ENO4: variants seen among roughly 807,000 people sequenced by gnomAD.
The protein encoded by ENO4 is enolase 4, also known as 2-phospho-D-glycerate hydro-lyase.
A neutral mutation model predicts 63.2 loss-of-function variants in ENO4; 53 were observed. The observed-to-expected ratio is 0.84, with a 90% confidence interval of 0.67 to 1.05. ENO4 has a LOEUF of 1.05. Ranked by LOEUF, ENO4 falls within the 50% of genes least tolerant of loss-of-function variation. The pLI, the probability that ENO4 is intolerant of heterozygous loss-of-function variation, is 0.00. For missense variants in ENO4, 719 were observed against 772.0 expected (o/e 0.93, Z 0.81); for synonymous variants, 266 against 283.8 (o/e 0.94, Z 0.63).
intron 10 of ENO4, chr10:116,908,030 C>A: frequency 2.2e-6 from 1 of 451,068 alleles, no homozygotes; most frequent in Non-Finnish European, 4.4e-6. Context: ...CTTGTAAAAT[C>A]AGATGGTTAC....
chr10:116,851,514 G>A (rs1229213479), intron 1 of ENO4, among the ~76,000 whole-genome samples: 2 of 152,210 alleles, frequency 1.3e-5, no homozygotes, highest in African/African-American at 2.4e-5. Flanking sequence ...ACAGAAAAAA[G>A]CAATCTCCTT....
intron 10 of ENO4, among the ~76,000 whole-genome samples, chr10:116,908,155 C>T (rs1220226482): frequency 6.6e-6 from 1 of 152,076 alleles, no homozygotes; most frequent in Non-Finnish European, 1.5e-5. Flanking sequence ...AACTGACTAA[C>T]AAGATTAGGA....
At chr10:116,883,290 A>C (rs1847075424), downstream of ENO4, 1 of 152,154 alleles carries the variant, frequency 6.6e-6, no homozygotes, top group African/African-American at 2.4e-5. Flanking sequence ...TTAATATGAA[A>C]TATATTTATA....
At chr10:116,906,001 CCAGT>C (rs1338282220) in intron 10 of ENO4, among the ~76,000 whole-genome samples, 31 of 152,298 alleles carry the variant, frequency 2.0e-4, no homozygotes, top group Admixed American at 7.2e-4. Flanking sequence ...CTGGAATTTC[CCAGT>C]CACTCAGTTC....
At chr10:116,895,343 C>T (rs1294270773) in intron 10 of ENO4, among the ~76,000 whole-genome samples, 1 of 152,180 alleles carries the variant, frequency 6.6e-6, no homozygotes, top group Non-Finnish European at 1.5e-5. Flanking sequence ...GGTATTCTGA[C>T]AGGCTAATTT....
At chr10:116,897,547 A>T (rs1046332209) in intron 10 of ENO4, among the ~76,000 whole-genome samples, 2 of 152,186 alleles carry the variant, frequency 1.3e-5, no homozygotes, top group African/African-American at 4.8e-5. Context: ...CCACTCAAAA[A>T]CCCAGGGGTC....
chr10:116,858,988 A>G lies in ENO4; in HGVS notation c.486-2A>G, dbSNP rs1846340593. 3 of 1,530,794 alleles carry G rather than the reference A, an allele frequency of 2.0e-6. No homozygotes were observed. The highest frequency in any genetic ancestry group is 2.6e-6 in the Non-Finnish European group (3 of 1,142,864). The allele number at this position is 1,530,794 out of a possible 1,614,324, so 94.8% of individuals were successfully genotyped here. ...GTAAAGCCATATTTTCTTGCTATTA[A>G]GGATATTCTTCGCAAGTAAAGTACA... is the stretch of plus-strand genomic sequence containing the variant. On this transcript the variant is annotated splice_acceptor_variant, in intron 3 of 13. Transcript: ENST00000341276. LOFTEE classifies it high-confidence loss of function.
At chr10:116,868,499 C>A (rs1846603243) in intron 7 of ENO4, 151 bp from the exon 8 acceptor site, 1 of 724,922 alleles carries the variant, frequency 1.4e-6, no homozygotes. Flanking sequence ...GGAATCATCC[C>A]TATGTGCATG....
chr10:116,875,276 T>C (rs1340347111), intron 10 of ENO4, among the ~76,000 whole-genome samples: 2 of 152,126 alleles, frequency 1.3e-5, no homozygotes, highest in East Asian at 1.9e-4. Context: ...TACACCAGCA[T>C]ACACAGAATG....
In ENO4 at chr10:116,879,915, G is replaced by C. The variant is rs535092428; in HGVS notation, c.1652G>C (p.Arg551Pro). ...VRFIKLGGLS[R>P]GERVTKYNRL... ...TTCATCAAGTTGGGGGGTCTTTCCC[G>C]TGGTGAACGAGTGACTAAATACAAC... The change falls in exon 13 of 14, where the codon CGT becomes CCT. Residue 551 changes from arginine (R) to proline (P), a missense_variant. Transcript: ENST00000341276. 1.3e-6 allele frequency: 2 copies of C among 1,550,636 alleles called. No individual in the cohort carries two copies. Among genetic ancestry groups the C allele is most frequent in the East Asian group, 2.4e-5 (1 of 40,892 alleles).
chr10:116,900,896 G>A (rs1041844942), intron 10 of ENO4: 7 of 985,236 alleles, frequency 7.1e-6, no homozygotes, highest in Non-Finnish European at 8.4e-6. Flanking sequence ...GAATGCAAGA[G>A]AGGAAGAAAA....
chr10:116,861,232 A>ATATAT (rs758025144), intron 6 of ENO4, 42 bp downstream of exon 6: 1 of 514,090 alleles, frequency 1.9e-6, no homozygotes, highest in Non-Finnish European at 2.8e-6. Flanking sequence ...AAAAAAAAAA[A>ATATAT]AAAAATATAT....
intron 1 of ENO4, among the ~76,000 whole-genome samples, chr10:116,854,745 C>G (rs1049189171): frequency 6.6e-6 from 1 of 150,980 alleles, no homozygotes; most frequent in African/African-American, 2.4e-5. Flanking sequence ...GAGTTTGAGA[C>G]CAGCCTGAGC....
intron 4 of ENO4, among the ~76,000 whole-genome samples, chr10:116,860,311 G>A (rs1846374883): frequency 6.6e-6 from 1 of 152,212 alleles, no homozygotes; most frequent in African/African-American, 2.4e-5. Context: ...GAACGTAAAT[G>A]ACACAGAACA....
Position 116,898,495 on chromosome 10 carries a change from G to A in ENO4, c.1195-13004G>A, listed in dbSNP as rs1425037030. The stretch of plus-strand genomic sequence containing the variant: ...AAGAGGTTTGCACTTAATGTGCCTG[G>A]TCAGCCCTTTACCTCTTATAGCATA... On this transcript the variant is annotated intron_variant, in intron 10 of 10. Transcript: ENST00000369207. 2.6e-5 allele frequency among the ~76,000 whole-genome samples: 4 copies of A among 152,112 alleles called. No homozygotes were observed. In the East Asian group the frequency reaches 7.7e-4, roughly 29 times the overall value.
chr10:116,888,663 G>A (rs898631307), intron 10 of ENO4, among the ~76,000 whole-genome samples: 1 of 152,214 alleles, frequency 6.6e-6, no homozygotes, highest in Non-Finnish European at 1.5e-5. Flanking sequence ...AAAGCTGGAG[G>A]AGGAGATGTG....
At chr10:116,870,517 T>C (rs1267357103) in intron 8 of ENO4, among the ~76,000 whole-genome samples, 1 of 152,086 alleles carries the variant, frequency 6.6e-6, no homozygotes, top group Non-Finnish European at 1.5e-5. Context: ...GGCACATGCC[T>C]GTAGTCTCAG....
At chr10:116,852,776 C>T (rs1020283121) in intron 1 of ENO4, among the ~76,000 whole-genome samples, 1 of 152,254 alleles carries the variant, frequency 6.6e-6, no homozygotes, top group East Asian at 1.9e-4. Flanking sequence ...GATAGATGCC[C>T]AGCCAACCCC....
chr10:116,859,203 C>T lies in ENO4; in HGVS notation c.634+65C>T, dbSNP rs879000576. 2.8e-6 allele frequency: 4 copies of T among 1,438,096 alleles called. No individual in the cohort carries two copies. In the South Asian group the frequency reaches 6.2e-5, roughly 22 times the overall value. The allele number at this position is 1,438,096 out of a possible 1,614,324, so 89.1% of individuals were successfully genotyped here. On this transcript the variant is annotated intron_variant, in intron 4 of 13. Coordinates refer to ENST00000341276, the MANE Select transcript of ENO4 (RefSeq NM_001242699.2). Reference sequence around the variant, plus strand: ...ATGTGTGAGGAAGAAAGGCTGAAGCCTGGACTGCCTTTCTGAGTCTCTTGG... The same window carrying T: ...ATGTGTGAGGAAGAAAGGCTGAAGCTTGGACTGCCTTTCTGAGTCTCTTGG...
Sources: gnomAD v4.1 joint callset for allele counts (sites outside exome capture counted in the v4.1 genomes callset) on GRCh38, gnomAD v4.1.1 for gene constraint, MANE v1.5 for transcripts, NCBI Gene and HGNC (gene_info 2026-07-23, HGNC 2026-07-21) for gene names.